Variants in TNRC18 observed in about 807,000 individuals in gnomAD.
The protein encoded by TNRC18 is trinucleotide repeat-containing gene 18 protein.
Under a neutral mutation model 226.7 loss-of-function variants are expected in TNRC18, and 69 were observed. That is an observed-to-expected ratio of 0.30 (90% CI 0.25 to 0.37). TNRC18 has a LOEUF of 0.37. Ranked by LOEUF, TNRC18 falls within the 10% of genes least tolerant of loss-of-function variation. The pLI is 1.00. For synonymous variants in TNRC18, 2,449 were observed against 1,927.6 expected (o/e 1.27, Z -7.09); for missense variants, 4,754 against 4,256.6 (o/e 1.12, Z -3.25).
intron 26 of TNRC18, among the ~76,000 whole-genome samples, chr7:5,314,563 CTTTTTTTTTTTTTTT>C (rs67183154): frequency 8.8e-5 from 7 of 79,638 alleles, no homozygotes; most frequent in Admixed American, 2.5e-4. Context: ...GAGTTCTCTT[CTTTTTTTTTTTTTTT>C]TTTTTTTTTT....
chr7:5,394,364 G>T lies in TNRC18; in HGVS notation c.343+76C>A. Reference sequence around the variant, plus strand: ...GCCCCAGCTCAGCGATGACAACAGAGGGGCACATGAAGTGGCCAGAGTGGC... The same window carrying T: ...GCCCCAGCTCAGCGATGACAACAGATGGGCACATGAAGTGGCCAGAGTGGC... On this transcript the variant is annotated intron_variant, in intron 3 of 29. Coordinates refer to ENST00000430969, the MANE Select transcript of TNRC18 (RefSeq NM_001080495.3). This position sits in a 1 kb window ranked among gnomAD's most constrained non-coding sequence, Gnocchi z 4.5. 1 of 1,368,490 alleles carries T rather than the reference G, an allele frequency of 7.3e-7. No homozygotes were observed. 84.8% of individuals were successfully genotyped at this position (1,368,490 alleles called of 1,614,324 possible).
chr7:5,372,070 ATTTT>A (rs35270494), intron 10 of TNRC18, among the ~76,000 whole-genome samples: 1 of 144,798 alleles, frequency 6.9e-6, no homozygotes, highest in African/African-American at 2.5e-5. Flanking sequence ...CGCCTGGCTA[ATTTT>A]TTTTTTTTTT....
intron 2 of TNRC18, among the ~76,000 whole-genome samples, chr7:5,405,444 C>G (rs1781400317): frequency 6.6e-6 from 1 of 152,054 alleles, no homozygotes; most frequent in South Asian, 2.1e-4. Flanking sequence ...TGGTGCGCAC[C>G]TGTAATCCCA....
At chr7:5,359,662 G>A in intron 14 of TNRC18, 93 bp from the exon 15 acceptor site, 2 of 1,455,288 alleles carry the variant, frequency 1.4e-6, no homozygotes, top group Non-Finnish European at 1.9e-6. Flanking sequence ...TTGGGCTCTG[G>A]ACCCTGAGCG....
intron 5 of TNRC18, among the ~76,000 whole-genome samples, chr7:5,385,743 G>A (rs1026230913): frequency 6.6e-6 from 1 of 151,624 alleles, no homozygotes; most frequent in East Asian, 1.9e-4. Context: ...GGAGGCTGAG[G>A]CAGGTGGATC....
chr7:5,388,797 T>C lies in TNRC18; in HGVS notation c.1027A>G (p.Lys343Glu), dbSNP rs1584028953. The change falls in exon 5 of 30, where the codon AAG becomes GAG. Residue 343 changes from lysine (K) to glutamate (E), a missense_variant. By Grantham distance (56) the Lys-to-Glu change is moderately conservative. Transcript: ENST00000430969. ...GCCGCGGGGGGTGCAGGAGGCCCCT[T>C]GGGGGGCGCGGGCGGCGGGGGCAGC... ...SPLPPPPAPP[K>E]GPPAPPAATP... 13 of 1,153,616 alleles carry C rather than the reference T, an allele frequency of 1.1e-5. No individual in the cohort carries two copies. The highest frequency in any genetic ancestry group is 3.4e-5 in the African/African-American group (2 of 58,324). The allele number at this position is 1,153,616 out of a possible 1,614,324, so 71.5% of individuals were successfully genotyped here.
chr7:5,398,357 A>T (rs1433596613), intron 2 of TNRC18, among the ~76,000 whole-genome samples: 1 of 152,072 alleles, frequency 6.6e-6, no homozygotes, highest in Non-Finnish European at 1.5e-5. Flanking sequence ...TTTAGTAAAG[A>T]TGAGGTTTCT....
In TNRC18 at chr7:5,332,795, C is replaced by T. The variant is rs1468596873; in HGVS notation, c.5974G>A (p.Asp1992Asn). Residue 1992 changes from aspartate to asparagine, a missense_variant, in exon 19 of 30, where the codon GAC (aspartate) becomes AAC (asparagine). Coordinates refer to ENST00000430969, the MANE Select transcript of TNRC18 (RefSeq NM_001080495.3). ...FEAGPEASDD[D>N]LWTRRRSERI... The stretch of plus-strand genomic sequence containing the variant: ...TCGCTGCGGCGCCGCGTCCACAGGT[C>T]GTCGTCGCTGGCCTCGGGCCCCGCC... 2 of 1,512,738 alleles carry T rather than the reference C, an allele frequency of 1.3e-6. No homozygotes were observed. The highest frequency in any genetic ancestry group is 1.8e-6 in the Non-Finnish European group (2 of 1,138,158). The allele number at this position is 1,512,738 out of a possible 1,614,324, so 93.7% of individuals were successfully genotyped here.
In TNRC18 at chr7:5,322,550, C is replaced by G. The variant is rs547024199; in HGVS notation, c.6443-1360G>C. On this transcript the variant is annotated intron_variant, in intron 21 of 29. Transcript: ENST00000430969. Reference sequence around the variant, plus strand: ...CAAGTGATCCTCCCACCTCGGCCCCCCAAAGCACTGGGATTACAGGTGCAT... The same window carrying G: ...CAAGTGATCCTCCCACCTCGGCCCCGCAAAGCACTGGGATTACAGGTGCAT... 7.2e-5 allele frequency among the ~76,000 whole-genome samples: 11 copies of G among 152,330 alleles called. No homozygotes were observed. The East Asian group carries it at 1.5e-3, about 21-fold the overall frequency.
chr7:5,392,736 A>G (rs1408180412), intron 3 of TNRC18, among the ~76,000 whole-genome samples: 1 of 152,184 alleles, frequency 6.6e-6, no homozygotes, highest in African/African-American at 2.4e-5. Context: ...GGCCGGGCAC[A>G]GTGGCTCATG....
In TNRC18 at chr7:5,394,364, G is replaced by A; in HGVS notation, c.343+76C>T. On this transcript the variant is annotated intron_variant, in intron 3 of 29. Transcript: ENST00000430969. The surrounding 1 kb of genome is among the most constrained non-coding windows in gnomAD (Gnocchi z 4.5). Reference sequence around the variant, plus strand: ...GCCCCAGCTCAGCGATGACAACAGAGGGGCACATGAAGTGGCCAGAGTGGC... The same window carrying A: ...GCCCCAGCTCAGCGATGACAACAGAAGGGCACATGAAGTGGCCAGAGTGGC... 2 of 1,368,490 alleles carry A rather than the reference G, an allele frequency of 1.5e-6. No homozygotes were observed. The highest frequency in any genetic ancestry group is 1.9e-6 in the Non-Finnish European group (2 of 1,032,262). 84.8% of individuals were successfully genotyped at this position (1,368,490 alleles called of 1,614,324 possible). A position where few individuals can be genotyped will look rare whatever the true frequency, so the allele number is the denominator to read the frequency against.
intron 5 of TNRC18, among the ~76,000 whole-genome samples, chr7:5,381,846 A>G (rs746238130): frequency 3.3e-5 from 5 of 152,054 alleles, no homozygotes; most frequent in Non-Finnish European, 7.4e-5. Flanking sequence ...GGTGCCTGTA[A>G]TCCCAGCAAC....
intron 2 of TNRC18, among the ~76,000 whole-genome samples, chr7:5,411,515 CA>C (rs764197407): frequency 0.033 from 2,187 of 65,424 alleles, 26 homozygotes; most frequent in Middle Eastern, 0.08. Context: ...AAGACTCTGT[CA>C]AAAAAAAAAA....
chr7:5,339,688 G>C (rs11772539), intron 18 of TNRC18, among the ~76,000 whole-genome samples: 1 of 151,916 alleles, frequency 6.6e-6, no homozygotes, highest in African/African-American at 2.4e-5. Context: ...TCCTGTCTCA[G>C]CCTCCAGAGT....
At chr7:5,412,243 TGAA>T (rs1388977847) in intron 2 of TNRC18, among the ~76,000 whole-genome samples, 1 of 46,908 alleles carries the variant, frequency 2.1e-5, no homozygotes, top group African/African-American at 1.0e-4. Context: ...AAATTCCAAA[TGAA>T]AAAAAAAAAA....
In TNRC18 at chr7:5,421,338, T is replaced by C; in HGVS notation, c.-92A>G. The C allele has an allele frequency of 8.7e-7, 1 of 1,149,170 alleles. No individual in the cohort carries two copies. Among genetic ancestry groups the C allele is most frequent in the Non-Finnish European group, 1.1e-6 (1 of 915,812 alleles). 71.2% of individuals were successfully genotyped at this position (1,149,170 alleles called of 1,614,324 possible). A position where few individuals can be genotyped will look rare whatever the true frequency, so the allele number is the denominator to read the frequency against. ...GTTCGGCCTCGGCGTAGTCCCAGAG[T>C]CCTCGGGCGGCGGGGGCTCCGCGGC... On this transcript the variant is annotated 5_prime_UTR_variant, in exon 2 of 30. Coordinates refer to ENST00000430969, the MANE Select transcript of TNRC18 (RefSeq NM_001080495.3).
chr7:5,392,146 AC>A (rs1303036871), intron 3 of TNRC18, among the ~76,000 whole-genome samples: 1 of 152,098 alleles, frequency 6.6e-6, no homozygotes, highest in African/African-American at 2.4e-5. Flanking sequence ...GCTACCCGAT[AC>A]CTGTTCTCTC....
chr7:5,358,468 C>T lies in TNRC18; in HGVS notation c.4833+930G>A, dbSNP rs965784483. Among the ~76,000 whole-genome samples the T allele has an allele frequency of 1.4e-4, 21 of 152,192 alleles. 1 individual carries two copies. Among genetic ancestry groups the T allele is most frequent in the African/African-American group, 5.1e-4 (21 of 41,434 alleles). On this transcript the variant is annotated intron_variant, in intron 15 of 29. Transcript: ENST00000430969. Reference sequence around the variant, plus strand: ...GGTGTTAACACTGGCAATCTTTCTTCTCTTAGACCCCGTCTCCCTCCATGA... The same window carrying T: ...GGTGTTAACACTGGCAATCTTTCTTTTCTTAGACCCCGTCTCCCTCCATGA...
At position 5,307,254 on chromosome 7, in the gene TNRC18, T is replaced by G. The variant is rs1786629709; in HGVS notation, c.*852A>C. On this transcript the variant is annotated 3_prime_UTR_variant, in exon 30 of 30. Coordinates refer to ENST00000430969, the MANE Select transcript of TNRC18 (RefSeq NM_001080495.3). ...CTATTTTTCACAGTTTTAAAAAGTT[T>G]ATATATATATTTATATATATTTATC... 1 of 149,122 alleles carries G rather than the reference T, an allele frequency of 6.7e-6. No individual in the cohort carries two copies. The highest frequency in any genetic ancestry group is 1.9e-4 in the East Asian group (1 of 5,162). 9.2% of individuals were successfully genotyped at this position (149,122 alleles called of 1,614,324 possible).
Sources: allele counts gnomAD v4.1 joint callset (sites outside exome capture counted in the v4.1 genomes callset), GRCh38; gene constraint gnomAD v4.1.1; non-coding constraint Gnocchi (gnomAD v3.1); transcripts MANE v1.5; gene names NCBI Gene and HGNC (gene_info 2026-07-23, HGNC 2026-07-21).